The following COL23A1 variants were observed in gnomAD, a reference collection of about 807,000 sequenced individuals.
COL23A1 encodes the protein collagen type XXIII alpha 1 chain.
A neutral mutation model predicts 99.3 loss-of-function variants in COL23A1; 97 were observed. That is an observed-to-expected ratio of 0.98 (90% confidence interval 0.83 to 1.16). COL23A1 has a LOEUF of 1.16. Among genes scored for constraint, COL23A1 ranks in the 50% most tolerant of loss-of-function variants. The pLI, the probability that COL23A1 is intolerant of heterozygous loss-of-function variation, is 0.00. For missense variants in COL23A1, 762 were observed against 757.4 expected (o/e 1.01, Z -0.07); for synonymous variants, 320 against 308.2 (o/e 1.04, Z -0.40).
At chr5:178,273,931 G>A (rs1401913774) in intron 5 of COL23A1, among the ~76,000 whole-genome samples, 1 of 152,226 alleles carries the variant, frequency 6.6e-6, no homozygotes, top group African/African-American at 2.4e-5. Flanking sequence ...CTCTGGGCCG[G>A]AGGACCCTGG....
chr5:178,447,560 C>T (rs1055607545), intron 2 of COL23A1, among the ~76,000 whole-genome samples: 2 of 152,152 alleles, frequency 1.3e-5, no homozygotes, highest in Non-Finnish European at 2.9e-5. Context: ...CAGTAACATA[C>T]TGTTAAGGTT....
chr5:178,561,038 C>A lies in COL23A1; in HGVS notation c.295-290G>T, dbSNP rs7732668. Among the ~76,000 whole-genome samples the A allele has an allele frequency of 2.6e-5, 4 of 152,324 alleles. No individual in the cohort carries two copies. In the South Asian group the frequency reaches 8.3e-4, roughly 32 times the overall value. ...ATACCAAGAGTTACGACAGAAACAGCGTCCTGCAAGTCAAAAGCCACAGCG... is the reference window on the plus strand; with the variant it reads ...ATACCAAGAGTTACGACAGAAACAGAGTCCTGCAAGTCAAAAGCCACAGCG... On this transcript the variant is annotated intron_variant, in intron 1 of 28. Coordinates refer to ENST00000390654, the MANE Select transcript of COL23A1 (RefSeq NM_173465.4).
intron 2 of COL23A1, among the ~76,000 whole-genome samples, chr5:178,321,877 C>T (rs959366070): frequency 2.0e-5 from 3 of 151,886 alleles, no homozygotes; most frequent in Admixed American, 6.6e-5. Flanking sequence ...TACAGTGGCA[C>T]GATCTTGGCT....
chr5:178,267,259 A>C, intron 8 of COL23A1, 48 bp downstream of exon 8: 1 of 1,608,462 alleles, frequency 6.2e-7, no homozygotes, highest in Non-Finnish European at 8.5e-7. Context: ...TCATTATTAC[A>C]CAAAACAAAC....
At position 178,339,982 on chromosome 5, in the gene COL23A1, T is replaced by C. The variant is rs576118566; in HGVS notation, c.362-33063A>G. ...TGATTCTGCAACAATGACTTATGAT[T>C]AGGTGGTGGGATGGGTGGGTGGCGG... On this transcript the variant is annotated intron_variant, in intron 2 of 28. Transcript: ENST00000390654. Among the ~76,000 whole-genome samples the C allele has an allele frequency of 2.6e-5, 4 of 152,126 alleles. No homozygotes were observed. The South Asian group carries it at 8.3e-4, about 32-fold the overall frequency.
At chr5:178,436,659 C>A (rs1331708117) in intron 2 of COL23A1, among the ~76,000 whole-genome samples, 1 of 152,184 alleles carries the variant, frequency 6.6e-6, no homozygotes, top group Non-Finnish European at 1.5e-5. Flanking sequence ...TGGTGACCAG[C>A]TAAGCCCTCC....
At position 178,268,763 on chromosome 5, in the gene COL23A1, A is replaced by G; in HGVS notation, c.469-7T>C. ...CTTTCGGGCCTGGAAGTCCCTGGAA[A>G]AGGAAAGTGGAGAAAGAACAGACCT... On this transcript the variant is annotated splice_polypyrimidine_tract_variant and splice_region_variant and intron_variant, in intron 6 of 28. Transcript: ENST00000390654. The G allele has an allele frequency of 2.5e-6, 4 of 1,603,496 alleles. No homozygotes were observed. Among genetic ancestry groups the G allele is most frequent in the Non-Finnish European group, 3.4e-6 (4 of 1,173,448 alleles).
intron 5 of COL23A1, among the ~76,000 whole-genome samples, chr5:178,282,571 A>C (rs1756955994): frequency 6.6e-6 from 1 of 152,208 alleles, no homozygotes; most frequent in Admixed American, 6.5e-5. Context: ...CCTGGGTGCT[A>C]ATCCAGGCTT....
In COL23A1 at chr5:178,309,345, G is replaced by A. The variant is rs181453104; in HGVS notation, c.362-2426C>T. Among the ~76,000 whole-genome samples the A allele has an allele frequency of 2.8e-3, 427 of 152,202 alleles. 3 individuals are homozygous for A. The highest frequency in any genetic ancestry group is 1.0e-2 in the African/African-American group (414 of 41,538). ...GGTCACTGGGCGATGCCCCCTGCAG[G>A]CCTGGAGCTGGGCAGGACTGGGGTG... is the stretch of plus-strand genomic sequence containing the variant. On this transcript the variant is annotated intron_variant, in intron 2 of 28. Coordinates refer to ENST00000390654, the MANE Select transcript of COL23A1 (RefSeq NM_173465.4). The surrounding 1 kb of genome is among the most constrained non-coding windows in gnomAD (Gnocchi z 4.7).
At chr5:178,283,829 T>C (rs73342854) in intron 5 of COL23A1, among the ~76,000 whole-genome samples, 3,812 of 152,308 alleles carry the variant, frequency 0.025, 133 homozygotes, top group African/African-American at 0.088. Flanking sequence ...AAAGCGCTCA[T>C]GATAAACAAG....
chr5:178,247,621 T>C (rs1040948917), intron 21 of COL23A1, 69 bp from the exon 22 acceptor site: 2 of 1,596,068 alleles, frequency 1.3e-6, no homozygotes, highest in East Asian at 2.2e-5. Context: ...CACTGGCCCC[T>C]GGGGCCCTGT....
chr5:178,268,730 CT>C lies in COL23A1; in HGVS notation c.494del (p.Lys165ArgfsTer144). On this transcript the variant is annotated frameshift_variant and splice_region_variant, in exon 7 of 29. Transcript: ENST00000390654. LOFTEE classifies it high-confidence loss of function. ...CTGCACAGCCTCTGGCATCACTTAC[CT>C]TTTCCCCTTTCGGGCCTGGAAGTCC... ...KPGLPGPKGE[K>X]GAPGDFGPRG... 1.2e-6 allele frequency: 2 copies of C among 1,603,966 alleles called. No homozygotes were observed. Among genetic ancestry groups the C allele is most frequent in the Non-Finnish European group, 1.7e-6 (2 of 1,173,670 alleles).
At chr5:178,506,888 A>G (rs1181866992) in intron 2 of COL23A1, among the ~76,000 whole-genome samples, 1 of 152,208 alleles carries the variant, frequency 6.6e-6, no homozygotes, top group Non-Finnish European at 1.5e-5. Flanking sequence ...TACTGCGTTC[A>G]AAGTCACTTG....
At chr5:178,275,439 C>T (rs550326360) in intron 5 of COL23A1, among the ~76,000 whole-genome samples, 4 of 152,302 alleles carry the variant, frequency 2.6e-5, no homozygotes, top group African/African-American at 4.8e-5. Flanking sequence ...TTTCCTAAGC[C>T]GGGTTCACAG....
chr5:178,252,174 C>T (rs1313351734), intron 17 of COL23A1, among the ~76,000 whole-genome samples: 2 of 152,058 alleles, frequency 1.3e-5, no homozygotes, highest in Non-Finnish European at 2.9e-5. Flanking sequence ...CTCGGCCTCC[C>T]AAAGTGCTGG....
At chr5:178,357,786 GTGTGTGTGTA>G (rs1421608976) in intron 2 of COL23A1, among the ~76,000 whole-genome samples, 18 of 145,048 alleles carry the variant, frequency 1.2e-4, no homozygotes, top group African/African-American at 4.7e-4. Context: ...GTATGTGTAT[GTGTGTGTGTA>G]TGTGTGTGTG....
chr5:178,319,496 A>G (rs1279704487), intron 2 of COL23A1, among the ~76,000 whole-genome samples: 1 of 151,860 alleles, frequency 6.6e-6, no homozygotes, highest in Non-Finnish European at 1.5e-5. Flanking sequence ...TATCCTACTC[A>G]GAGGTTCTAG....
In COL23A1 at chr5:178,590,229, G is replaced by C; in HGVS notation, c.-32C>G. The C allele has an allele frequency of 8.3e-7, 1 of 1,208,416 alleles. No homozygotes were observed. The highest frequency in any genetic ancestry group is 1.0e-6 in the Non-Finnish European group (1 of 972,364). The allele number at this position is 1,208,416 out of a possible 1,614,324, so 74.9% of individuals were successfully genotyped here. On this transcript the variant is annotated 5_prime_UTR_variant, in exon 1 of 29. Coordinates refer to ENST00000390654, the MANE Select transcript of COL23A1 (RefSeq NM_173465.4). The surrounding 1 kb of genome is among the most constrained non-coding windows in gnomAD (Gnocchi z 5.7). ...TTCGTCGCGCGTGGACTCTCCGAGG[G>C]GGCGGTGCTGCTGGGGCAGAGGCTG...
intron 2 of COL23A1, among the ~76,000 whole-genome samples, chr5:178,556,296 AAAG>A (rs912101752): frequency 8.5e-5 from 13 of 152,312 alleles, no homozygotes; most frequent in African/African-American, 2.2e-4. Context: ...TATTAAAAAA[AAAG>A]AAGGAGGAGG....
Sources: allele counts gnomAD v4.1 joint callset (sites outside exome capture counted in the v4.1 genomes callset), GRCh38; gene constraint gnomAD v4.1.1; non-coding constraint Gnocchi (gnomAD v3.1); transcripts MANE v1.5; gene names NCBI Gene and HGNC (gene_info 2026-07-23, HGNC 2026-07-21).